IQSEC3: variants seen among roughly 807,000 people sequenced by gnomAD.
IQSEC3 encodes IQ motif and SEC7 domain-containing protein 3.
In IQSEC3, 50 loss-of-function variants were observed where a neutral mutation model predicts 105.4. The ratio of observed to expected loss-of-function variants is 0.47; its 90% CI spans 0.38 to 0.60. IQSEC3 has a LOEUF of 0.60. Ranked by LOEUF, IQSEC3 falls within the 20% of genes least tolerant of loss-of-function variation. IQSEC3 has a pLI of 0.00. For missense variants in IQSEC3, 1,415 were observed against 1,630.0 expected, an observed-to-expected ratio of 0.87 and a Z score of 2.27; for synonymous variants, 708 against 746.0, an observed-to-expected ratio of 0.95 and a Z score of 0.83.
At chr12:162,811 G>A (rs1459416572) in intron 8 of IQSEC3, among the ~76,000 whole-genome samples, 1 of 152,120 alleles carries the variant, frequency 6.6e-6, no homozygotes, top group Non-Finnish European at 1.5e-5. Flanking sequence ...CTTCGCTCTC[G>A]CACACCTGCA....
At chr12:123,901 G>A (rs1289690940) in intron 2 of IQSEC3, among the ~76,000 whole-genome samples, 9 of 152,094 alleles carry the variant, frequency 5.9e-5, no homozygotes, top group Admixed American at 2.6e-4. Context: ...TGACCTTGAG[G>A]TCCCTTCCAG....
chr12:161,146 A>G (rs1455629806), intron 7 of IQSEC3, among the ~76,000 whole-genome samples: 1 of 152,200 alleles, frequency 6.6e-6, no homozygotes, highest in African/African-American at 2.4e-5. Context: ...GTAGCTGGGA[A>G]CACTCCTTTG....
intron 5 of IQSEC3, among the ~76,000 whole-genome samples, chr12:150,793 G>A (rs1866476320): frequency 6.6e-6 from 1 of 152,136 alleles, no homozygotes; most frequent in African/African-American, 2.4e-5. Flanking sequence ...AAGAGAGGCA[G>A]TGTCTAGAGA....
chr12:169,386 C>CCTGG (rs1248732023), intron 12 of IQSEC3, among the ~76,000 whole-genome samples: 3 of 152,192 alleles, frequency 2.0e-5, no homozygotes, highest in Non-Finnish European at 4.4e-5. Context: ...AGGCAAGAGT[C>CCTGG]CTGGCATCCT....
intron 1 of IQSEC3, among the ~76,000 whole-genome samples, chr12:77,923 A>G (rs2136875951): frequency 6.6e-6 from 1 of 150,872 alleles, no homozygotes; most frequent in South Asian, 2.2e-4. Flanking sequence ...GGCAGCCGGC[A>G]GGCGAGAAGG....
At chr12:75,025 T>G (rs1305842795) in intron 1 of IQSEC3, among the ~76,000 whole-genome samples, 2 of 152,294 alleles carry the variant, frequency 1.3e-5, no homozygotes, top group Non-Finnish European at 2.9e-5. Flanking sequence ...TCCCCGTGCC[T>G]TCCAGGATAT....
chr12:88,598 T>C (rs1331977092), intron 1 of IQSEC3, among the ~76,000 whole-genome samples: 1 of 152,174 alleles, frequency 6.6e-6, no homozygotes, highest in Non-Finnish European at 1.5e-5. Context: ...CTGAACCTGG[T>C]TGGCCAACCT....
chr12:143,409 T>C lies in IQSEC3; in HGVS notation c.2153+2124T>C, dbSNP rs117845149. 850 of 153,006 alleles carry C rather than the reference T, an allele frequency of 5.6e-3. 5 individuals are homozygous for C. Among genetic ancestry groups the C allele is most frequent in the Middle Eastern group, 0.024 (7 of 296 alleles). The allele number at this position is 153,006 out of a possible 1,614,324, so 9.5% of individuals were successfully genotyped here. A position where few individuals can be genotyped will look rare whatever the true frequency, so the allele number is the denominator to read the frequency against. ...ACCTCTCTGGGCCTCGGTGTCCTCA[T>C]CTGTAAAATGAGAGGGCTGGGCGAT... On this transcript the variant is annotated intron_variant, in intron 5 of 13. Coordinates refer to ENST00000538872, the MANE Select transcript of IQSEC3 (RefSeq NM_001170738.2).
At chr12:108,185 G>A (rs1864746454) in intron 2 of IQSEC3, among the ~76,000 whole-genome samples, 1 of 152,222 alleles carries the variant, frequency 6.6e-6, no homozygotes, top group South Asian at 2.1e-4. Flanking sequence ...ACCTCTGCTG[G>A]AAGCAGGAGG....
rs546549028 is a variant in IQSEC3 at position 90,113 on chromosome 12, G to T, written c.555-9033G>T. The stretch of plus-strand genomic sequence containing the variant: ...TCAGACACAGATTTTATTCATTCTA[G>T]TGGGTGTGTAATAGTATCTGCTTGT... On this transcript the variant is annotated intron_variant, in intron 1 of 13. Coordinates refer to ENST00000538872, the MANE Select transcript of IQSEC3 (RefSeq NM_001170738.2). Among the ~76,000 whole-genome samples the T allele has an allele frequency of 2.4e-3, 363 of 152,338 alleles. 1 individual carries two copies. Among genetic ancestry groups the T allele is most frequent in the Non-Finnish European group, 3.3e-3 (222 of 68,030 alleles).
At chr12:125,009 C>T (rs995003570) in intron 2 of IQSEC3, among the ~76,000 whole-genome samples, 11 of 152,108 alleles carry the variant, frequency 7.2e-5, no homozygotes, top group Admixed American at 1.3e-4. Flanking sequence ...TGGAGTCCAC[C>T]CCCCTGGAAA....
At chr12:112,658 C>A (rs1368664049) in intron 2 of IQSEC3, among the ~76,000 whole-genome samples, 1 of 152,178 alleles carries the variant, frequency 6.6e-6, no homozygotes, top group Non-Finnish European at 1.5e-5. Context: ...AGGGGTTGCA[C>A]TGTCTAATCC....
In IQSEC3 at chr12:139,026, G is replaced by A. The variant is rs1555088002; in HGVS notation, c.1663G>A (p.Ala555Thr). The A allele has an allele frequency of 2.7e-6, 4 of 1,505,060 alleles. No homozygotes were observed. Among genetic ancestry groups the A allele is most frequent in the East Asian group, 4.9e-5 (2 of 40,934 alleles). 93.2% of individuals were successfully genotyped at this position (1,505,060 alleles called of 1,614,324 possible). Reference protein sequence around the residue: ...REDASAEDSCAEAAASGAADG... With the variant: ...REDASAEDSCTEAAASGAADG... ...GGACGCGTCAGCCGAGGACTCATGC[G>A]CAGAGGCTGCGGCTAGTGGGGCGGC... The change falls in exon 4 of 14, where the codon GCA (alanine) becomes ACA (threonine). Residue 555 changes from alanine (A) to threonine (T), a missense_variant. Physicochemically the swap from Ala to Thr is moderately conservative, Grantham distance 58. Around this residue, in one of 6 missense-constraint regions of IQSEC3, gnomAD observed 720 missense variants for 633.0 expected, o/e 1.14. Coordinates refer to ENST00000538872, the MANE Select transcript of IQSEC3 (RefSeq NM_001170738.2).
chr12:81,275 T>G (rs1359686678), intron 1 of IQSEC3, among the ~76,000 whole-genome samples: 3 of 152,142 alleles, frequency 2.0e-5, no homozygotes, highest in Non-Finnish European at 2.9e-5. Flanking sequence ...TGGAGTCCGT[T>G]AGGAAGTGTT....
rs1766902090 is a variant in IQSEC3, at chr12:178,424, T to C, written c.*3391T>C. ...TATTTTATCTGTTCAATTCATAGAG[T>C]TTTAGAGATTATATTGAAAGATGTC... is the stretch of plus-strand genomic sequence containing the variant. On this transcript the variant is annotated 3_prime_UTR_variant, in exon 14 of 14. Coordinates refer to ENST00000538872, the MANE Select transcript of IQSEC3 (RefSeq NM_001170738.2). The C allele has an allele frequency of 6.6e-6, 1 of 151,872 alleles. No homozygotes were observed. The highest frequency in any genetic ancestry group is 2.4e-5 in the African/African-American group (1 of 41,322). 9.4% of individuals were successfully genotyped at this position (151,872 alleles called of 1,614,324 possible). A position where few individuals can be genotyped will look rare whatever the true frequency, so the allele number is the denominator to read the frequency against.
intron 3 of IQSEC3, among the ~76,000 whole-genome samples, chr12:129,989 C>T (rs563777851): frequency 9.8e-5 from 15 of 152,352 alleles, no homozygotes; most frequent in Middle Eastern, 3.4e-3. Flanking sequence ...CCCCTTCCCA[C>T]GCTGAAAGTG....
intron 7 of IQSEC3, among the ~76,000 whole-genome samples, chr12:159,178 A>G (rs1402669539): frequency 1.3e-5 from 2 of 151,950 alleles, no homozygotes; most frequent in Non-Finnish European, 2.9e-5. Context: ...TTCTCTTTCC[A>G]TTTGCTTAAC....
chr12:151,573 T>C (rs74055585), intron 5 of IQSEC3, among the ~76,000 whole-genome samples: 3,452 of 152,268 alleles, frequency 0.023, 140 homozygotes, highest in African/African-American at 0.079. Flanking sequence ...TCATTTTCTC[T>C]CCAACAGCCA....
intron 3 of IQSEC3, among the ~76,000 whole-genome samples, chr12:126,544 GGT>G (rs56871643): frequency 0.01 from 1,487 of 145,592 alleles, 9 homozygotes; most frequent in Admixed American, 0.016. Flanking sequence ...CTTGATGGAA[GGT>G]GTGTGTGTGT....
Sources: allele counts gnomAD v4.1 joint callset (sites outside exome capture counted in the v4.1 genomes callset), GRCh38; gene constraint gnomAD v4.1.1; regional missense constraint gnomAD v4.1.1; transcripts MANE v1.5; gene names NCBI Gene and HGNC (gene_info 2026-07-23, HGNC 2026-07-21).